The following KIRREL3 variants were observed in gnomAD, a reference collection of about 807,000 sequenced individuals.
KIRREL3 encodes kirre like nephrin family adhesion molecule 3.
In KIRREL3, 36 loss-of-function variants were observed where a neutral mutation model predicts 89.7. The ratio of observed to expected loss-of-function variants is 0.40; its 90% CI spans 0.31 to 0.53. The LOEUF (loss-of-function observed/expected upper bound fraction) is 0.53. KIRREL3 is among the 20% of genes least tolerant of loss of function. KIRREL3 has a pLI of 0.49. For synonymous variants in KIRREL3, 445 were observed against 441.4 expected, an observed-to-expected ratio of 1.01 and a Z score of -0.10; for missense variants, 864 against 1,056.6, an observed-to-expected ratio of 0.82 and a Z score of 2.53.
At chr11:126,646,473 A>ATT (rs71279461) in intron 1 of KIRREL3, among the ~76,000 whole-genome samples, 10,302 of 127,308 alleles carry the variant, frequency 0.081, 646 homozygotes, top group Middle Eastern at 0.15. Flanking sequence ...TGCCCCAAGT[A>ATT]TTTTTTTTTT....
At chr11:126,980,054 G>A (rs140383078) in intron 1 of KIRREL3, among the ~76,000 whole-genome samples, 29 of 152,230 alleles carry the variant, frequency 1.9e-4, no homozygotes, top group Non-Finnish European at 3.4e-4. Flanking sequence ...ACATTATGTC[G>A]GCAGAGAAGA....
rs1957018499 is a variant in KIRREL3 at position 126,474,759 on chromosome 11, C to T, written c.434-1293G>A. 1.3e-5 allele frequency among the ~76,000 whole-genome samples: 2 copies of T among 152,254 alleles called. No homozygotes were observed. The highest frequency in any genetic ancestry group is 2.1e-4 in the South Asian group (1 of 4,834). ...GCTGGGGAAACTCCACTGACATTTG[C>T]TGGCCCCACTGGGGTCACCCTTTGA... On this transcript the variant is annotated intron_variant, in intron 4 of 16. Transcript: ENST00000525144. The surrounding 1 kb of genome is among the most constrained non-coding windows in gnomAD (Gnocchi z 6.7).
intron 1 of KIRREL3, among the ~76,000 whole-genome samples, chr11:126,728,205 G>A (rs1463317039): frequency 2.0e-5 from 3 of 152,142 alleles, no homozygotes; most frequent in Non-Finnish European, 4.4e-5. Context: ...ACCAGGAGGG[G>A]CAGGGTCAGA....
At chr11:126,793,124 A>G (rs1175366662) in intron 1 of KIRREL3, among the ~76,000 whole-genome samples, 1 of 82,088 alleles carries the variant, frequency 1.2e-5, no homozygotes, top group Non-Finnish European at 2.4e-5. Context: ...ACCCACCTCC[A>G]ATAATGTCTT....
At chr11:126,585,394 CG>C (rs1454911098) in intron 1 of KIRREL3, among the ~76,000 whole-genome samples, 1 of 151,884 alleles carries the variant, frequency 6.6e-6, no homozygotes, top group Non-Finnish European at 1.5e-5. Context: ...CCACCACGCC[CG>C]GCTACATTTT....
In KIRREL3 at chr11:126,871,610, T is replaced by C. The variant is rs190622257; in HGVS notation, c.55+128845A>G. ...CTTGTAGATCTACTATGAGAAAACCTGGATTATTGAGGGGCAAAGGGGCTT... is the reference window on the plus strand; with the variant it reads ...CTTGTAGATCTACTATGAGAAAACCCGGATTATTGAGGGGCAAAGGGGCTT... On this transcript the variant is annotated intron_variant, in intron 1 of 16. Coordinates refer to ENST00000525144, the MANE Select transcript of KIRREL3 (RefSeq NM_032531.4). Among the ~76,000 whole-genome samples the C allele has an allele frequency of 3.2e-4, 49 of 152,268 alleles. 1 individual carries two copies. The highest frequency in any genetic ancestry group is 3.1e-3 in the Admixed American group (47 of 15,286).
chr11:126,631,093 C>T (rs142629398), intron 1 of KIRREL3, among the ~76,000 whole-genome samples: 67 of 151,820 alleles, frequency 4.4e-4, no homozygotes, highest in African/African-American at 1.5e-3. Context: ...CCTCTTCATT[C>T]AGTTGTCTGT....
rs1038638576 is a variant in KIRREL3 at position 126,772,062 on chromosome 11, A to G, written c.56-209150T>C. On this transcript the variant is annotated intron_variant, in intron 1 of 16. Transcript: ENST00000525144. The surrounding 1 kb of genome is among the most constrained non-coding windows in gnomAD (Gnocchi z 4.6). Reference sequence around the variant, plus strand: ...TGACCTTTCCACCTGTCAGAGCTCTAAAGCACTAAGAGGTGCCAGCTCATT... The same window carrying G: ...TGACCTTTCCACCTGTCAGAGCTCTGAAGCACTAAGAGGTGCCAGCTCATT... 1.3e-5 allele frequency among the ~76,000 whole-genome samples: 2 copies of G among 152,224 alleles called. No homozygotes were observed. The highest frequency in any genetic ancestry group is 1.9e-4 in the East Asian group (1 of 5,190).
intron 1 of KIRREL3, among the ~76,000 whole-genome samples, chr11:126,714,343 G>A (rs1443771974): frequency 1.3e-5 from 2 of 151,886 alleles, no homozygotes; most frequent in East Asian, 1.9e-4. Flanking sequence ...AAAGAGGGGA[G>A]CGTGTGGCCC....
chr11:126,438,407 T>C (rs879861992), intron 11 of KIRREL3, among the ~76,000 whole-genome samples: 1 of 152,244 alleles, frequency 6.6e-6, no homozygotes, highest in Non-Finnish European at 1.5e-5. Flanking sequence ...CTTGCTGCTA[T>C]TGTCACGCTG....
intron 1 of KIRREL3, among the ~76,000 whole-genome samples, chr11:126,934,178 AT>A: frequency 6.6e-6 from 1 of 152,130 alleles, no homozygotes; most frequent in East Asian, 1.9e-4. Flanking sequence ...ATATTTAGGG[AT>A]TTTTTTAAAG....
Position 126,478,607 on chromosome 11 carries a change from ATGTATATGTG to A in KIRREL3, c.434-5151_434-5142del, listed in dbSNP as rs972990338. Among the ~76,000 whole-genome samples, 70 of 143,844 alleles carry A rather than the reference ATGTATATGTG, an allele frequency of 4.9e-4. 1 individual carries two copies. The East Asian group carries it at 0.014, about 29-fold the overall frequency. 94.4% of individuals were successfully genotyped at this position (143,844 alleles called of 152,430 possible). A position where few individuals can be genotyped will look rare whatever the true frequency, so the allele number is the denominator to read the frequency against. ...CGTGTGTATGTGTATATGTATATGC[ATGTATATGTG>A]TGTATGTGTGTATGCGTGTGTATGT... On this transcript the variant is annotated intron_variant, in intron 4 of 16. Coordinates refer to ENST00000525144, the MANE Select transcript of KIRREL3 (RefSeq NM_032531.4).
chr11:126,891,742 C>T lies in KIRREL3; in HGVS notation c.55+108713G>A, dbSNP rs557034942. On this transcript the variant is annotated intron_variant, in intron 1 of 16. Coordinates refer to ENST00000525144, the MANE Select transcript of KIRREL3 (RefSeq NM_032531.4). This position sits in a 1 kb window ranked among gnomAD's most constrained non-coding sequence, Gnocchi z 5.1. ...AAAGGAAGTTGGCTGGCAGGTTCTG[C>T]GATCCCTGGAGATGGGCAGGGCTGG... is the stretch of plus-strand genomic sequence containing the variant. Among the ~76,000 whole-genome samples, 221 of 152,286 alleles carry T rather than the reference C, an allele frequency of 1.5e-3. No individual in the cohort carries two copies. Among genetic ancestry groups the T allele is most frequent in the Non-Finnish European group, 2.7e-3 (184 of 68,016 alleles).
intron 13 of KIRREL3, among the ~76,000 whole-genome samples, chr11:126,433,205 A>C (rs777253191): frequency 2.0e-5 from 3 of 152,238 alleles, no homozygotes; most frequent in Non-Finnish European, 4.4e-5. Flanking sequence ...AAAGGCCAGG[A>C]AAGTTCCTTT....
chr11:126,425,245 C>T (rs1411533308), intron 16 of KIRREL3, among the ~76,000 whole-genome samples: 4 of 152,112 alleles, frequency 2.6e-5, no homozygotes, highest in Non-Finnish European at 5.9e-5. Flanking sequence ...ACTGCGGACC[C>T]CAGGAGGGGA....
At chr11:126,546,597 G>T (rs1383949721) in intron 2 of KIRREL3, among the ~76,000 whole-genome samples, 1 of 152,088 alleles carries the variant, frequency 6.6e-6, no homozygotes, top group Non-Finnish European at 1.5e-5. Context: ...TTCTCTCCTC[G>T]GTGACATGCT....
chr11:126,838,828 G>A (rs1343750588), intron 1 of KIRREL3, among the ~76,000 whole-genome samples: 1 of 152,120 alleles, frequency 6.6e-6, no homozygotes, highest in Non-Finnish European at 1.5e-5. Flanking sequence ...AAAGAAAAAC[G>A]GGACTTGTTT....
rs12276781 is a variant in KIRREL3, at chr11:126,593,868, C to G, written c.56-30956G>C. Among the ~76,000 whole-genome samples, 448 of 152,222 alleles carry G rather than the reference C, an allele frequency of 2.9e-3. 3 individuals carry two copies. Among genetic ancestry groups the G allele is most frequent in the African/African-American group, 0.01 (429 of 41,542 alleles). On this transcript the variant is annotated intron_variant, in intron 1 of 16. Transcript: ENST00000525144. ...AGCTGCTCAGGTTAGCCCATTGCACCGTTGCCATCACTGCGAGACTCAGGG... is the reference window on the plus strand; with the variant it reads ...AGCTGCTCAGGTTAGCCCATTGCACGGTTGCCATCACTGCGAGACTCAGGG...
In KIRREL3 at chr11:126,656,865, G is replaced by A. The variant is rs910621002; in HGVS notation, c.56-93953C>T. The stretch of plus-strand genomic sequence containing the variant: ...CTGGGAGTCCCAGACCAGCCTGGCT[G>A]TCGTGGTGGGACCCCGTCTCTACTA... On this transcript the variant is annotated intron_variant, in intron 1 of 16. Coordinates refer to ENST00000525144, the MANE Select transcript of KIRREL3 (RefSeq NM_032531.4). The surrounding 1 kb of genome is among the most constrained non-coding windows in gnomAD (Gnocchi z 4.0). 6.6e-6 allele frequency among the ~76,000 whole-genome samples: 1 copy of A among 152,124 alleles called. No individual in the cohort carries two copies. Among genetic ancestry groups the A allele is most frequent in the Non-Finnish European group, 1.5e-5 (1 of 68,038 alleles).
Sources: gnomAD v4.1 joint callset for allele counts (sites outside exome capture counted in the v4.1 genomes callset) on GRCh38, gnomAD v4.1.1 for gene constraint, Gnocchi (gnomAD v3.1) non-coding constraint, MANE v1.5 for transcripts, NCBI Gene and HGNC (gene_info 2026-07-23, HGNC 2026-07-21) for gene names.